Variants in PLCD4 observed in about 807,000 individuals in gnomAD.
PLCD4 encodes the protein phospholipase C delta 4.
A neutral mutation model predicts 90.2 loss-of-function variants in PLCD4; 63 were observed. The observed-to-expected ratio is 0.70, with a 90% confidence interval of 0.57 to 0.86. PLCD4 has a LOEUF of 0.86. PLCD4 is among the 40% of genes least tolerant of loss of function. PLCD4 has a pLI of 0.00. For missense variants in PLCD4, 830 were observed against 956.3 expected (o/e 0.87, Z 1.74); for synonymous variants, 294 against 356.5 (o/e 0.82, Z 1.97).
At chr2:218,631,198 C>T (rs1696344062) in intron 9 of PLCD4, among the ~76,000 whole-genome samples, 1 of 151,992 alleles carries the variant, frequency 6.6e-6, no homozygotes, top group Admixed American at 6.5e-5. Context: ...GAGTTTCGCT[C>T]TTGTCGCCCA....
At chr2:218,617,542 A>G (rs1279153955) in intron 3 of PLCD4, among the ~76,000 whole-genome samples, 1 of 151,442 alleles carries the variant, frequency 6.6e-6, no homozygotes, top group African/African-American at 2.4e-5. Flanking sequence ...GTGCCATTGC[A>G]CTCCAGCCTG....
intron 1 of PLCD4, chr2:218,609,827 T>TCTCAAAGTGCC (rs1695249281): frequency 6.6e-6 from 1 of 152,172 alleles, no homozygotes; most frequent in African/African-American, 2.4e-5. Flanking sequence ...GTCTCAAAAT[T>TCTCAAAGTGCC]CTCAAAGGAG....
At chr2:218,612,636 G>A (rs1462454481) in intron 1 of PLCD4, among the ~76,000 whole-genome samples, 6 of 152,158 alleles carry the variant, frequency 3.9e-5, no homozygotes, top group Non-Finnish European at 8.8e-5. Context: ...GCCAGGCGTG[G>A]TGGCTCACAG....
rs761438839 is a variant in PLCD4, at chr2:218,618,690, G to A, written c.293G>A (p.Arg98His). Residue 98 changes from arginine (R) to histidine (H), a missense_variant, in exon 4 of 16, where the codon CGC (arginine) becomes CAC (histidine). Physicochemically the swap from Arg to His is conservative, Grantham distance 29. Transcript: ENST00000450993. Reference sequence around the variant, plus strand: ...GGCTTCACCATTGTCTTCCATGGCCGCCGCTCCAACCTGGACCTGATGGCC... The same window carrying A: ...GGCTTCACCATTGTCTTCCATGGCCACCGCTCCAACCTGGACCTGATGGCC... ...EQGFTIVFHG[R>H]RSNLDLMANS... is the part of the protein sequence containing the mutation. The A allele has an allele frequency of 9.3e-6, 15 of 1,613,650 alleles. No individual in the cohort carries two copies. Among genetic ancestry groups the A allele is most frequent in the Admixed American group, 6.7e-5 (4 of 59,972 alleles).
intron 9 of PLCD4, 91 bp from the exon 10 acceptor site, chr2:218,632,045 C>A (rs553660996): frequency 5.8e-6 from 8 of 1,385,838 alleles, no homozygotes; most frequent in Non-Finnish European, 7.7e-6. Flanking sequence ...TCACTCACTT[C>A]CTCTGCCTTT....
chr2:218,613,431 G>A lies in PLCD4; in HGVS notation c.-33-2276G>A, dbSNP rs550582246. Among the ~76,000 whole-genome samples, 18 of 147,190 alleles carry A rather than the reference G, an allele frequency of 1.2e-4. No individual in the cohort carries two copies. The South Asian group carries it at 1.7e-3, about 14-fold the overall frequency. ...AAAAAAAAGCACATAACATTTTTCA[G>A]GTAGAGATACCCTTTAAAAAAAAGA... On this transcript the variant is annotated intron_variant, in intron 1 of 15. Transcript: ENST00000450993.
At chr2:218,616,691 G>C (rs1695591036) in intron 3 of PLCD4, among the ~76,000 whole-genome samples, 1 of 148,912 alleles carries the variant, frequency 6.7e-6, no homozygotes, top group Non-Finnish European at 1.5e-5. Flanking sequence ...CACTCCGCCT[G>C]GGTGAGTGAG....
chr2:218,609,067 C>T (rs1282674981), intron 1 of PLCD4, among the ~76,000 whole-genome samples: 1 of 149,910 alleles, frequency 6.7e-6, no homozygotes, highest in Non-Finnish European at 1.5e-5. Flanking sequence ...GCGTGAACCC[C>T]GGGGGGCGGA....
chr2:218,632,198 T>C lies in PLCD4; in HGVS notation c.1335T>C (p.Tyr445=), dbSNP rs768596250. Residue 445 remains tyrosine, a synonymous_variant, in exon 10 of 16, where the codon TAT becomes TAC. Transcript: ENST00000450993. ...KKLTLEEDLE[Y]EEEEAEPELE... ...TAACACTTGAGGAAGACCTGGAATA[T>C]GAGGAAGAGGAAGCAGAACCTGAGT... is the stretch of plus-strand genomic sequence containing the variant. 2.5e-6 allele frequency: 4 copies of C among 1,611,276 alleles called. No homozygotes were observed. In the East Asian group the frequency reaches 8.9e-5, roughly 36 times the overall value.
chr2:218,629,553 GATGT>G lies in PLCD4; in HGVS notation c.1013_1016del (p.Val338GlyfsTer16). On this transcript the variant is annotated frameshift_variant, in exon 8 of 16. Coordinates refer to ENST00000450993, the MANE Select transcript of PLCD4 (RefSeq NM_032726.4). LOFTEE classifies it high-confidence loss of function. ...GCGGGGGTGCCGCTGCGTGGAGGTG[GATGT>G]ATGGGATGGACCTAGCGGGGAACCT... 1.2e-6 allele frequency: 2 copies of G among 1,613,798 alleles called. No homozygotes were observed. Among genetic ancestry groups the G allele is most frequent in the Non-Finnish European group, 1.7e-6 (2 of 1,179,848 alleles).
At chr2:218,618,956 A>G (rs1695754586) in intron 4 of PLCD4, 149 bp downstream of exon 4, 1 of 665,922 alleles carries the variant, frequency 1.5e-6, no homozygotes, top group East Asian at 2.7e-5. Context: ...GCTCAGGCCA[A>G]TGTGAGACTG....
intron 6 of PLCD4, among the ~76,000 whole-genome samples, chr2:218,623,661 T>C (rs1482117867): frequency 6.6e-6 from 1 of 152,144 alleles, no homozygotes; most frequent in Non-Finnish European, 1.5e-5. Flanking sequence ...CTCTAATATC[T>C]CTATGTACCT....
Position 218,628,136 on chromosome 2 carries a change from CA to C in PLCD4, c.882del (p.Gln294HisfsTer3). On this transcript the variant is annotated frameshift_variant, in exon 7 of 16. Transcript: ENST00000450993. LOFTEE classifies it high-confidence loss of function. ...CCTCCCCATCTATCAGGATATGACT[CA>C]ACCCCTGAACCACTACTTCATCTGC... is the stretch of plus-strand genomic sequence containing the variant. ...ACLPIYQDMT[Q>X]PLNHYFICSS... The C allele has an allele frequency of 6.2e-7, 1 of 1,614,042 alleles. No individual in the cohort carries two copies. Among genetic ancestry groups the C allele is most frequent in the Non-Finnish European group, 8.5e-7 (1 of 1,179,874 alleles).
Position 218,618,600 on chromosome 2 carries a change from C to T in PLCD4, c.203C>T (p.Thr68Ile), listed in dbSNP as rs1465293631. 1 of 1,614,050 alleles carries T rather than the reference C, an allele frequency of 6.2e-7. No individual in the cohort carries two copies. Among genetic ancestry groups the T allele is most frequent in the Middle Eastern group, 1.7e-4 (1 of 6,060 alleles). ...KPSFSISDVETIRNGHDSELL... is the reference protein window; with the variant it reads ...KPSFSISDVEIIRNGHDSELL... ...GCAGTCTCAATCTCTGATGTGGAGACAATACGTAATGGCCATGATTCCGAG... is the reference window on the plus strand; with the variant it reads ...GCAGTCTCAATCTCTGATGTGGAGATAATACGTAATGGCCATGATTCCGAG... Residue 68 changes from threonine to isoleucine, a missense_variant, in exon 4 of 16, where the codon ACA becomes ATA. Coordinates refer to ENST00000450993, the MANE Select transcript of PLCD4 (RefSeq NM_032726.4).
At chr2:218,622,937 A>T (rs775580828) in intron 6 of PLCD4, 59 bp downstream of exon 6, 80 of 1,463,958 alleles carry the variant, frequency 5.5e-5, no homozygotes, top group Non-Finnish European at 7.5e-5. Flanking sequence ...GGACATGATT[A>T]CAAGGTCCAG....
At chr2:218,618,493 G>T (rs962285406) in intron 3 of PLCD4, 86 bp from the exon 4 acceptor site, 1 of 1,177,534 alleles carries the variant, frequency 8.5e-7, no homozygotes, top group African/African-American at 1.5e-5. Context: ...GTGTCATGGA[G>T]AAGGGGGTGC....
At chr2:218,609,195 G>C (rs1231890305) in intron 1 of PLCD4, 2 of 150,480 alleles carry the variant, frequency 1.3e-5, no homozygotes, top group East Asian at 3.9e-4. Flanking sequence ...CCTGTGACCA[G>C]AGCCAATTTG....
At position 218,616,026 on chromosome 2, in the gene PLCD4, C is replaced by G. The variant is rs1485306317; in HGVS notation, c.145C>G (p.His49Asp). ...TCAGAATGACGGCATGACAGTCTGG[C>G]ATGCACGGCAGGCCAGGGGCAGTGC... ...RLQNDGMTVW[H>D]ARQARGSAKP... Residue 49 changes from histidine (H) to aspartate (D), a missense_variant, in exon 3 of 16, where the codon CAT becomes GAT. By Grantham distance (81) the His-to-Asp change is moderately conservative (BLOSUM62 -1). Transcript: ENST00000450993. 1 of 1,613,864 alleles carries G rather than the reference C, an allele frequency of 6.2e-7. No individual in the cohort carries two copies. Among genetic ancestry groups the G allele is most frequent in the African/African-American group, 1.3e-5 (1 of 74,926 alleles).
At position 218,615,736 on chromosome 2, in the gene PLCD4, G is replaced by A; in HGVS notation, c.-4G>A. 1 of 1,605,608 alleles carries A rather than the reference G, an allele frequency of 6.2e-7. No homozygotes were observed. The highest frequency in any genetic ancestry group is 8.5e-7 in the Non-Finnish European group (1 of 1,175,992). ...TCTGGTGCCAGCTGGTGGAACAGTGGGTGATGGCGTCCCTGCTGCAAGACC... is the reference window on the plus strand; with the variant it reads ...TCTGGTGCCAGCTGGTGGAACAGTGAGTGATGGCGTCCCTGCTGCAAGACC... On this transcript the variant is annotated 5_prime_UTR_variant, in exon 2 of 16. Transcript: ENST00000450993.
Sources: gnomAD v4.1 joint callset for allele counts (sites outside exome capture counted in the v4.1 genomes callset) on GRCh38, gnomAD v4.1.1 for gene constraint, MANE v1.5 for transcripts, NCBI Gene and HGNC (gene_info 2026-07-23, HGNC 2026-07-21) for gene names.